The following BMPR1B variants were observed in gnomAD, a reference collection of about 807,000 sequenced individuals.
The protein encoded by BMPR1B is bone morphogenetic protein receptor type 1B.
Under a neutral mutation model 59.1 loss-of-function variants are expected in BMPR1B, and 12 were observed. That is an observed-to-expected ratio of 0.20 (90% CI 0.13 to 0.33). The LOEUF is 0.33. BMPR1B is among the 10% of genes least tolerant of loss of function. The pLI, the probability that BMPR1B is intolerant of heterozygous loss-of-function variation, is 1.00. For synonymous variants in BMPR1B, 237 were observed against 207.3 expected, an observed-to-expected ratio of 1.14 and a Z score of -1.23; for missense variants, 550 against 610.9, an observed-to-expected ratio of 0.90 and a Z score of 1.05.
At chr4:95,152,449 C>A (rs1482903516) in intron 11 of BMPR1B, among the ~76,000 whole-genome samples, 194 bp from the exon 12 acceptor site, 3 of 151,918 alleles carry the variant, frequency 2.0e-5, no homozygotes, top group East Asian at 1.9e-4. Context: ...TTTCATTGGG[C>A]TTTGTATTCA....
chr4:94,789,896 GCAAATA>G (rs1352093963), intron 1 of BMPR1B, among the ~76,000 whole-genome samples: 1 of 152,132 alleles, frequency 6.6e-6, no homozygotes, highest in African/African-American at 2.4e-5. Flanking sequence ...CCCTGAGACA[GCAAATA>G]GAGGATTTGC....
intron 3 of BMPR1B, among the ~76,000 whole-genome samples, chr4:95,023,727 G>C (rs1475124840): frequency 6.6e-6 from 1 of 152,122 alleles, no homozygotes; most frequent in Non-Finnish European, 1.5e-5. Flanking sequence ...TTGTGTAACA[G>C]ATTTTTGGGT....
intron 1 of BMPR1B, among the ~76,000 whole-genome samples, chr4:94,779,542 T>G (rs1486696280): frequency 6.6e-6 from 1 of 152,146 alleles, no homozygotes; most frequent in African/African-American, 2.4e-5. Context: ...ATGTTGAGGT[T>G]GTTCTTGGAC....
chr4:95,102,531 T>C (rs984179597), intron 3 of BMPR1B, among the ~76,000 whole-genome samples: 6 of 152,208 alleles, frequency 3.9e-5, no homozygotes, highest in African/African-American at 1.4e-4. Context: ...TCTATTTTTA[T>C]TACTTGGTCT....
chr4:94,954,810 C>G (rs1730080433), intron 2 of BMPR1B, among the ~76,000 whole-genome samples: 1 of 152,020 alleles, frequency 6.6e-6, no homozygotes, highest in Non-Finnish European at 1.5e-5. Context: ...AGAATAGTTC[C>G]TGATGCATAC....
intron 10 of BMPR1B, among the ~76,000 whole-genome samples, chr4:95,146,190 C>T (rs896986507): frequency 1.3e-5 from 2 of 152,040 alleles, no homozygotes; most frequent in Admixed American, 6.5e-5. Context: ...CTAGGGCAAA[C>T]GTCTAGGGTG....
At chr4:95,024,554 A>G (rs1239072820) in intron 3 of BMPR1B, among the ~76,000 whole-genome samples, 1 of 152,182 alleles carries the variant, frequency 6.6e-6, no homozygotes, top group Non-Finnish European at 1.5e-5. Context: ...ATACAACATG[A>G]ACGTGGATAA....
chr4:94,765,276 A>G (rs1028367873), intron 1 of BMPR1B, among the ~76,000 whole-genome samples: 12 of 152,162 alleles, frequency 7.9e-5, no homozygotes, highest in Non-Finnish European at 1.5e-4. Context: ...ATGCATTACT[A>G]TGTATTTTTA....
At chr4:95,112,953 C>G (rs911329099) in intron 4 of BMPR1B, among the ~76,000 whole-genome samples, 1 of 151,938 alleles carries the variant, frequency 6.6e-6, no homozygotes, top group Non-Finnish European at 1.5e-5. Flanking sequence ...TTCTCTAGCC[C>G]CTATACCTTC....
intron 6 of BMPR1B, among the ~76,000 whole-genome samples, chr4:95,119,821 G>A (rs1004121238): frequency 7.9e-5 from 12 of 152,130 alleles, no homozygotes; most frequent in African/African-American, 1.2e-4. Flanking sequence ...CCATCATGAA[G>A]TTTGGATAAG....
intron 2 of BMPR1B, among the ~76,000 whole-genome samples, chr4:94,932,493 TA>T (rs1297474774): frequency 4.6e-5 from 7 of 152,170 alleles, no homozygotes; most frequent in East Asian, 1.9e-4. Flanking sequence ...TGCAAAATGA[TA>T]TTTTTTTGGA....
chr4:94,959,476 C>T (rs1730274765), intron 2 of BMPR1B, among the ~76,000 whole-genome samples: 1 of 152,120 alleles, frequency 6.6e-6, no homozygotes, highest in African/African-American at 2.4e-5. Flanking sequence ...ATCCATGAGT[C>T]AGTAAGCATT....
intron 2 of BMPR1B, among the ~76,000 whole-genome samples, chr4:94,894,118 G>T (rs1403261416): frequency 6.6e-6 from 1 of 152,008 alleles, no homozygotes; most frequent in Non-Finnish European, 1.5e-5. Context: ...GAAGGATAGT[G>T]AAATGAAATA....
intron 2 of BMPR1B, among the ~76,000 whole-genome samples, chr4:94,987,136 AATAT>A (rs1721466726): frequency 7.0e-6 from 1 of 143,550 alleles, no homozygotes; most frequent in African/African-American, 2.6e-5. Flanking sequence ...ATGTATATGT[AATAT>A]ATATAATGTA....
At chr4:95,094,494 A>G (rs1730223068) in intron 3 of BMPR1B, among the ~76,000 whole-genome samples, 1 of 151,958 alleles carries the variant, frequency 6.6e-6, no homozygotes, top group Non-Finnish European at 1.5e-5. Context: ...GGAAGAGAAA[A>G]CTGAATAATA....
At chr4:94,855,119 T>C (rs1469169401) in intron 1 of BMPR1B, among the ~76,000 whole-genome samples, 1 of 152,156 alleles carries the variant, frequency 6.6e-6, no homozygotes, top group Non-Finnish European at 1.5e-5. Context: ...TTAGTCTTCT[T>C]TAAAGGATCC....
chr4:95,062,310 T>A (rs1426460284), intron 3 of BMPR1B, among the ~76,000 whole-genome samples: 4 of 152,210 alleles, frequency 2.6e-5, no homozygotes. Context: ...TCCTATTTAT[T>A]CTAATATATG....
At chr4:94,905,405 A>G (rs897226122) in intron 2 of BMPR1B, among the ~76,000 whole-genome samples, 1 of 152,022 alleles carries the variant, frequency 6.6e-6, no homozygotes, top group Non-Finnish European at 1.5e-5. Context: ...TTTGAAAACT[A>G]TAGTTTTTAT....
chr4:95,154,938 G>T lies in BMPR1B; in HGVS notation c.*265G>T. On this transcript the variant is annotated 3_prime_UTR_variant, in exon 13 of 13. Coordinates refer to ENST00000515059, the MANE Select transcript of BMPR1B (RefSeq NM_001203.3). ...AGATATGATGCATGTTGCTTTCTAA[G>T]AAAGCCCTGTATTTTGTGATTGCCT... 2.3e-6 allele frequency: 1 copy of T among 426,502 alleles called. No homozygotes were observed. Among genetic ancestry groups the T allele is most frequent in the Non-Finnish European group, 4.3e-6 (1 of 233,858 alleles). The allele number at this position is 426,502 out of a possible 1,614,324, so 26.4% of individuals were successfully genotyped here.
Sources: gnomAD v4.1 joint callset for allele counts (sites outside exome capture counted in the v4.1 genomes callset) on GRCh38, gnomAD v4.1.1 for gene constraint, MANE v1.5 for transcripts, NCBI Gene and HGNC (gene_info 2026-07-23, HGNC 2026-07-21) for gene names.